Variants in LUZP2 observed in about 807,000 individuals in gnomAD.
LUZP2 encodes the protein leucine zipper protein 2.
LUZP2 carries 52 observed loss-of-function variants against 51.6 expected under a neutral mutation model. The ratio of observed to expected loss-of-function variants is 1.01; its 90% CI spans 0.81 to 1.27. The LOEUF is 1.27. Among genes scored for constraint, LUZP2 ranks in the 50% most tolerant of loss-of-function variants. The pLI is 0.00. For synonymous variants in LUZP2, 154 were observed against 137.3 expected, an observed-to-expected ratio of 1.12 and a Z score of -0.85; for missense variants, 436 against 395.4, an observed-to-expected ratio of 1.10 and a Z score of -0.87.
intron 10 of LUZP2, among the ~76,000 whole-genome samples, chr11:25,055,711 C>G (rs1157879727): frequency 2.6e-5 from 4 of 152,048 alleles, no homozygotes. Flanking sequence ...TGAGGTTCAA[C>G]AATGACGAAT....
intron 1 of LUZP2, among the ~76,000 whole-genome samples, chr11:24,525,047 A>G (rs1389905576): frequency 6.6e-6 from 1 of 151,606 alleles, no homozygotes; most frequent in Non-Finnish European, 1.5e-5. Flanking sequence ...TTTTTCTTCA[A>G]TGTTCAGGAC....
intron 6 of LUZP2, among the ~76,000 whole-genome samples, chr11:24,909,014 G>A (rs898499657): frequency 4.6e-5 from 7 of 151,910 alleles, no homozygotes; most frequent in Admixed American, 3.9e-4. Context: ...ACCTGCCTCG[G>A]CCTCCCAAAG....
At position 24,826,190 on chromosome 11, in the gene LUZP2, A is replaced by AAAAAAAATATATATAT. The variant is rs1215786412; in HGVS notation, c.396+62883_396+62884insAAAAAATATATATATA. 4.7e-4 allele frequency among the ~76,000 whole-genome samples: 32 copies of AAAAAAAATATATATAT among 67,546 alleles called. 1 individual carries two copies. Among genetic ancestry groups the AAAAAAAATATATATAT allele is most frequent in the African/African-American group, 1.1e-3 (18 of 16,986 alleles). The allele number at this position is 67,546 out of a possible 152,430, so 44.3% of individuals were successfully genotyped here. ...GACTCCATCTCAAAAAAAAAAAAAA[A>AAAAAAAATATATATAT]ATATATATATATATATATAGTAAAA... is the stretch of plus-strand genomic sequence containing the variant. On this transcript the variant is annotated intron_variant, in intron 5 of 11. Coordinates refer to ENST00000336930, the MANE Select transcript of LUZP2 (RefSeq NM_001009909.4).
intron 7 of LUZP2, among the ~76,000 whole-genome samples, chr11:24,967,114 A>C (rs1855606535): frequency 6.6e-6 from 1 of 151,736 alleles, no homozygotes; most frequent in Non-Finnish European, 1.5e-5. Flanking sequence ...CACTGCTATT[A>C]ATATAGCTTT....
intron 9 of LUZP2, among the ~76,000 whole-genome samples, chr11:25,031,382 T>C (rs1396827173): frequency 1.3e-5 from 2 of 152,156 alleles, no homozygotes; most frequent in African/African-American, 4.8e-5. Context: ...AATTATATTT[T>C]TCTTGAAATT....
chr11:24,941,933 C>T (rs944657396), intron 7 of LUZP2, among the ~76,000 whole-genome samples: 5 of 151,852 alleles, frequency 3.3e-5, no homozygotes, highest in Non-Finnish European at 7.4e-5. Context: ...AGTCAATTCC[C>T]TCTCCATGCC....
intron 1 of LUZP2, among the ~76,000 whole-genome samples, chr11:24,678,750 A>G (rs1437371884): frequency 1.3e-5 from 2 of 152,250 alleles, no homozygotes; most frequent in East Asian, 1.9e-4. Flanking sequence ...TCTCAAAGGC[A>G]TGACTTTCAG....
intron 1 of LUZP2, among the ~76,000 whole-genome samples, chr11:24,553,422 A>G (rs186728258): frequency 6.6e-6 from 1 of 152,156 alleles, no homozygotes; most frequent in East Asian, 1.9e-4. Context: ...AGAAAAGCTG[A>G]AAAAAAGGCT....
intron 5 of LUZP2, among the ~76,000 whole-genome samples, chr11:24,849,560 A>G (rs1041356503): frequency 6.6e-6 from 1 of 152,112 alleles, no homozygotes; most frequent in Admixed American, 6.5e-5. Context: ...CAAGTCTGCT[A>G]TTGTGAGCAG....
intron 2 of LUZP2, among the ~76,000 whole-genome samples, chr11:24,731,731 C>A (rs1858720309): frequency 6.6e-6 from 1 of 151,768 alleles, no homozygotes; most frequent in Non-Finnish European, 1.5e-5. Context: ...CTGACTTATG[C>A]AGGGAGGTTT....
At chr11:24,857,477 G>A (rs887868850) in intron 5 of LUZP2, among the ~76,000 whole-genome samples, 2 of 151,314 alleles carry the variant, frequency 1.3e-5, no homozygotes, top group Non-Finnish European at 2.9e-5. Flanking sequence ...AATTCACAGT[G>A]CCACAATATT....
chr11:24,681,073 C>T (rs1469565154), intron 1 of LUZP2, among the ~76,000 whole-genome samples: 4 of 151,848 alleles, frequency 2.6e-5, no homozygotes, highest in African/African-American at 9.7e-5. Flanking sequence ...GCTCCGCTTC[C>T]CGGGTTCACG....
At chr11:24,894,254 A>G (rs563079928) in intron 5 of LUZP2, among the ~76,000 whole-genome samples, 1 of 149,318 alleles carries the variant, frequency 6.7e-6, no homozygotes, top group East Asian at 2.0e-4. Context: ...GACTCACTAC[A>G]ACCTCCGCCT....
chr11:24,767,611 A>G (rs568773145), intron 5 of LUZP2, among the ~76,000 whole-genome samples: 9 of 152,208 alleles, frequency 5.9e-5, no homozygotes, highest in Non-Finnish European at 1.2e-4. Context: ...ACAATGGCCC[A>G]CATTAAGTTT....
At chr11:24,751,250 A>G (rs1290990785) in intron 4 of LUZP2, among the ~76,000 whole-genome samples, 1 of 152,186 alleles carries the variant, frequency 6.6e-6, no homozygotes, top group South Asian at 2.1e-4. Flanking sequence ...GAAAAACCCA[A>G]CAAACGAAAT....
chr11:24,976,278 A>T lies in LUZP2; in HGVS notation c.523-313A>T, dbSNP rs147432666. ...TTCAGTCTATATCAACTAGAAATAT[A>T]AGTGATGGATCTAAATCACAGGTAT... On this transcript the variant is annotated intron_variant, in intron 7 of 11. Coordinates refer to ENST00000336930, the MANE Select transcript of LUZP2 (RefSeq NM_001009909.4). 1.1e-3 allele frequency among the ~76,000 whole-genome samples: 167 copies of T among 152,080 alleles called. 2 individuals are homozygous for T. Among genetic ancestry groups the T allele is most frequent in the Non-Finnish European group, 1.0e-4 (7 of 67,940 alleles).
chr11:24,804,199 T>G lies in LUZP2; in HGVS notation c.396+40891T>G, dbSNP rs541758150. On this transcript the variant is annotated intron_variant, in intron 5 of 11. Coordinates refer to ENST00000336930, the MANE Select transcript of LUZP2 (RefSeq NM_001009909.4). Reference sequence around the variant, plus strand: ...ACAAAGACCAAATACATTTTTCTTATTATATCACAAAATCACTAAGACAAA... The same window carrying G: ...ACAAAGACCAAATACATTTTTCTTAGTATATCACAAAATCACTAAGACAAA... Among the ~76,000 whole-genome samples the G allele has an allele frequency of 5.9e-5, 9 of 152,204 alleles. No homozygotes were observed. The East Asian group carries it at 1.7e-3, about 29-fold the overall frequency.
chr11:25,029,291 G>A (rs9804446), intron 9 of LUZP2, among the ~76,000 whole-genome samples: 86,899 of 151,940 alleles, frequency 0.57, 26,166 homozygotes, highest in African/African-American at 0.75. Flanking sequence ...TCTCCATGAT[G>A]TGCTTAGTTC....
At chr11:24,856,736 ATAACT>A (rs568370068) in intron 5 of LUZP2, among the ~76,000 whole-genome samples, 1 of 152,206 alleles carries the variant, frequency 6.6e-6, no homozygotes, top group South Asian at 2.1e-4. Flanking sequence ...AATGGAATAC[ATAACT>A]TAATGTCTTA....
Sources: allele counts gnomAD v4.1 joint callset (sites outside exome capture counted in the v4.1 genomes callset), GRCh38; gene constraint gnomAD v4.1.1; transcripts MANE v1.5; gene names NCBI Gene and HGNC (gene_info 2026-07-23, HGNC 2026-07-21).